The following PRKN variants were observed in gnomAD, a reference collection of about 807,000 sequenced individuals.
The protein encoded by PRKN is parkin RBR E3 ubiquitin protein ligase.
Under a neutral mutation model 59.5 loss-of-function variants are expected in PRKN, and 56 were observed. The observed-to-expected ratio is 0.94, with a 90% CI of 0.76 to 1.18. The LOEUF (loss-of-function observed/expected upper bound fraction) is 1.18. Ranked by LOEUF, PRKN falls within the 50% of genes most tolerant of loss-of-function variation. The probability of loss-of-function intolerance (pLI) is 0.00; values close to 1 mark genes in which losing one functional copy is unlikely to be tolerated. For synonymous variants in PRKN, 250 were observed against 222.1 expected, an observed-to-expected ratio of 1.13 and a Z score of -1.12; for missense variants, 657 against 596.4, an observed-to-expected ratio of 1.10 and a Z score of -1.06.
chr6:161,846,483 G>A (rs957104768), intron 6 of PRKN, among the ~76,000 whole-genome samples: 2 of 152,158 alleles, frequency 1.3e-5, no homozygotes, highest in Non-Finnish European at 2.9e-5. Context: ...CTGCCCAACA[G>A]CAGTGGGCAT....
rs1401491319 is a variant in PRKN at position 162,087,827 on chromosome 6, C to A, written c.535-33653G>T. 6.6e-5 allele frequency among the ~76,000 whole-genome samples: 10 copies of A among 151,860 alleles called. 1 individual carries two copies. The highest frequency in any genetic ancestry group is 1.7e-4 in the African/African-American group (7 of 41,346). On this transcript the variant is annotated intron_variant, in intron 4 of 11. Coordinates refer to ENST00000366898, the MANE Select transcript of PRKN (RefSeq NM_004562.3). The stretch of plus-strand genomic sequence containing the variant: ...CAGGCTGGTCTCGATCTCGTGACCT[C>A]GTGATCCACCCGCCTCAGCCTCCCA...
intron 1 of PRKN, among the ~76,000 whole-genome samples, chr6:162,457,302 T>C (rs555553249): frequency 1.4e-4 from 21 of 152,134 alleles, no homozygotes; most frequent in Non-Finnish European, 2.1e-4. Flanking sequence ...TTTCAGACTA[T>C]TAAAAATCAT....
intron 1 of PRKN, among the ~76,000 whole-genome samples, chr6:162,653,571 T>C (rs1183476746): frequency 6.6e-6 from 1 of 152,220 alleles, no homozygotes; most frequent in East Asian, 1.9e-4. Flanking sequence ...TCTTAGGTGA[T>C]AGAATTTGTT....
At chr6:162,487,803 T>C (rs549836023) in intron 1 of PRKN, among the ~76,000 whole-genome samples, 27 of 152,254 alleles carry the variant, frequency 1.8e-4, no homozygotes, top group African/African-American at 6.0e-4. Flanking sequence ...TGGCTGGGTA[T>C]GAGGACTCAT....
rs1433592968 is a variant in PRKN, at chr6:161,400,294, G to C, written c.1084-13417C>G. On this transcript the variant is annotated intron_variant, in intron 9 of 11. Coordinates refer to ENST00000366898, the MANE Select transcript of PRKN (RefSeq NM_004562.3). The surrounding 1 kb of genome is among the most constrained non-coding windows in gnomAD (Gnocchi z 4.2). Reference sequence around the variant, plus strand: ...TGAGCTGGGGACATGGGGAAGATTAGAAAATTAAACCTAATCTTTTTTTTT... The same window carrying C: ...TGAGCTGGGGACATGGGGAAGATTACAAAATTAAACCTAATCTTTTTTTTT... 6.6e-6 allele frequency among the ~76,000 whole-genome samples: 1 copy of C among 151,574 alleles called. No homozygotes were observed. Among genetic ancestry groups the C allele is most frequent in the African/African-American group, 2.4e-5 (1 of 41,246 alleles).
At chr6:161,464,313 T>C (rs111796471) in intron 9 of PRKN, among the ~76,000 whole-genome samples, 1,630 of 152,284 alleles carry the variant, frequency 0.011, 34 homozygotes, top group African/African-American at 0.038. Flanking sequence ...CATGCCCAGC[T>C]GGTACTTTCT....
rs562643290 is a variant in PRKN, at chr6:161,920,121, C to T, written c.734+53181G>A. ...AACACCGGCTGGGCGTGCTGGTTCA[C>T]GCCTATAATCCCAGCACTTTGGGGT... On this transcript the variant is annotated intron_variant, in intron 6 of 11. Transcript: ENST00000366898. 5.3e-5 allele frequency among the ~76,000 whole-genome samples: 8 copies of T among 152,312 alleles called. No individual in the cohort carries two copies. The East Asian group carries it at 9.7e-4, about 18-fold the overall frequency.
At chr6:162,203,701 G>A (rs1297138289) in intron 3 of PRKN, among the ~76,000 whole-genome samples, 2 of 152,146 alleles carry the variant, frequency 1.3e-5, no homozygotes, top group African/African-American at 4.8e-5. Flanking sequence ...AAAATGACCT[G>A]AGAAACCTTT....
intron 2 of PRKN, among the ~76,000 whole-genome samples, chr6:162,394,613 C>A (rs1004454060): frequency 6.6e-6 from 1 of 152,156 alleles, no homozygotes; most frequent in Non-Finnish European, 1.5e-5. Flanking sequence ...ATTTCCTATA[C>A]CTGTAACAGG....
intron 7 of PRKN, among the ~76,000 whole-genome samples, chr6:161,769,043 CAAG>C (rs1789548946): frequency 6.6e-6 from 1 of 152,170 alleles, no homozygotes; most frequent in South Asian, 2.1e-4. Context: ...TTTGTTTTCA[CAAG>C]CACGTATTTA....
At chr6:162,411,635 T>C (rs2128154898) in intron 2 of PRKN, among the ~76,000 whole-genome samples, 1 of 152,258 alleles carries the variant, frequency 6.6e-6, no homozygotes, top group East Asian at 1.9e-4. Context: ...CAATGAAAAA[T>C]ACACAATCCA....
intron 6 of PRKN, among the ~76,000 whole-genome samples, chr6:161,958,258 T>C (rs1357936848): frequency 1.3e-5 from 2 of 152,226 alleles, no homozygotes; most frequent in East Asian, 1.9e-4. Flanking sequence ...GTTAAATTTT[T>C]AGCGCAATAA....
At chr6:161,531,249 C>T (rs1037078595) in intron 9 of PRKN, among the ~76,000 whole-genome samples, 6 of 151,772 alleles carry the variant, frequency 4.0e-5, no homozygotes, top group South Asian at 2.1e-4. Flanking sequence ...GGTATGGTGG[C>T]GGGCGCCTGT....
chr6:161,347,945 C>T lies in PRKN; in HGVS notation c.*2154G>A. On this transcript the variant is annotated 3_prime_UTR_variant, in exon 12 of 12. Transcript: ENST00000366898. ...CTAACTTATTTTAAGAATCACTGTT[C>T]TATTCTGGAAAGGGAAAAGACCACC... The T allele has an allele frequency of 5.8e-6, 1 of 171,704 alleles. No individual in the cohort carries two copies. The highest frequency in any genetic ancestry group is 2.0e-4 in the South Asian group (1 of 4,952). 10.6% of individuals were successfully genotyped at this position (171,704 alleles called of 1,614,324 possible). A position where few individuals can be genotyped will look rare whatever the true frequency, so the allele number is the denominator to read the frequency against.
chr6:161,892,346 G>A (rs1795373639), intron 6 of PRKN, among the ~76,000 whole-genome samples: 1 of 151,272 alleles, frequency 6.6e-6, no homozygotes, highest in Non-Finnish European at 1.5e-5. Flanking sequence ...CAAGAGGATC[G>A]CTTGAGGCCA....
chr6:162,336,054 A>G (rs925170975), intron 2 of PRKN, among the ~76,000 whole-genome samples: 4 of 151,918 alleles, frequency 2.6e-5, no homozygotes, highest in Admixed American at 2.6e-4. Flanking sequence ...CTACAGGGTA[A>G]GCAAGGGCAG....
At chr6:161,677,286 T>C (rs1785122438) in intron 7 of PRKN, among the ~76,000 whole-genome samples, 1 of 148,932 alleles carries the variant, frequency 6.7e-6, no homozygotes, top group South Asian at 2.2e-4. Context: ...CTTGGAGAAG[T>C]GTTTGGTGAG....
intron 9 of PRKN, among the ~76,000 whole-genome samples, chr6:161,522,257 C>G (rs1248666834): frequency 1.3e-5 from 2 of 152,142 alleles, no homozygotes; most frequent in African/African-American, 4.8e-5. Flanking sequence ...GCTGACTCCC[C>G]ACAAGAGACC....
chr6:162,100,278 T>C (rs1464343353), intron 4 of PRKN, among the ~76,000 whole-genome samples: 1 of 152,154 alleles, frequency 6.6e-6, no homozygotes, highest in Non-Finnish European at 1.5e-5. Context: ...TTTGTTTCCT[T>C]TGGATACGTA....
Sources: allele counts gnomAD v4.1 joint callset (sites outside exome capture counted in the v4.1 genomes callset), GRCh38; gene constraint gnomAD v4.1.1; non-coding constraint Gnocchi (gnomAD v3.1); transcripts MANE v1.5; gene names NCBI Gene and HGNC (gene_info 2026-07-23, HGNC 2026-07-21).